The following CACNA2D3 variants were observed in gnomAD, a reference collection of about 807,000 sequenced individuals.
CACNA2D3 encodes the protein voltage-dependent calcium channel subunit alpha-2/delta-3.
CACNA2D3 carries 60 observed loss-of-function variants against 160.6 expected under a neutral mutation model. The ratio of observed to expected loss-of-function variants is 0.37; its 90% CI spans 0.30 to 0.46. CACNA2D3 has a LOEUF of 0.46. CACNA2D3 is among the 20% of genes least tolerant of loss of function. CACNA2D3 has a pLI of 1.00. For synonymous variants in CACNA2D3, 558 were observed against 492.9 expected (o/e 1.13, Z -1.75); for missense variants, 1,205 against 1,365.0 (o/e 0.88, Z 1.85).
chr3:54,331,391 G>C (rs1029605456), intron 3 of CACNA2D3, among the ~76,000 whole-genome samples: 3 of 152,134 alleles, frequency 2.0e-5, no homozygotes, highest in Non-Finnish European at 4.4e-5. Flanking sequence ...TGCAACCCCT[G>C]CATTAGTCAG....
intron 13 of CACNA2D3, among the ~76,000 whole-genome samples, chr3:54,780,929 T>C (rs1220528447): frequency 1.3e-5 from 2 of 152,234 alleles, no homozygotes; most frequent in Non-Finnish European, 2.9e-5. Flanking sequence ...TCAAGAAGTA[T>C]TGATCACTGT....
At chr3:54,637,583 A>G (rs1350030270) in intron 10 of CACNA2D3, 1 of 152,006 alleles carries the variant, frequency 6.6e-6, no homozygotes, top group African/African-American at 2.4e-5. Context: ...AATACTCACA[A>G]CAGTTATGGA....
chr3:54,562,218 C>T (rs551353601), intron 5 of CACNA2D3, among the ~76,000 whole-genome samples: 6 of 152,290 alleles, frequency 3.9e-5, no homozygotes, highest in African/African-American at 1.2e-4. Context: ...TCAAAGGGTA[C>T]AGCAGAAGAC....
chr3:54,191,595 C>G (rs1450587705), intron 2 of CACNA2D3, among the ~76,000 whole-genome samples: 1 of 152,024 alleles, frequency 6.6e-6, no homozygotes, highest in African/African-American at 2.4e-5. Context: ...ATCGGTGATA[C>G]AGTCTCTTCT....
At chr3:54,272,195 G>T (rs1322201929) in intron 2 of CACNA2D3, among the ~76,000 whole-genome samples, 1 of 152,158 alleles carries the variant, frequency 6.6e-6, no homozygotes, top group African/African-American at 2.4e-5. Context: ...CGTGTTAGGT[G>T]GGCATTACCA....
At chr3:54,463,899 G>C (rs2106851747) in intron 4 of CACNA2D3, among the ~76,000 whole-genome samples, 1 of 152,226 alleles carries the variant, frequency 6.6e-6, no homozygotes, top group Non-Finnish European at 1.5e-5. Flanking sequence ...CATCTTTGTG[G>C]TTTTATCTAC....
intron 2 of CACNA2D3, among the ~76,000 whole-genome samples, chr3:54,136,207 T>C (rs1410558379): frequency 6.6e-6 from 1 of 152,250 alleles, no homozygotes; most frequent in Non-Finnish European, 1.5e-5. Flanking sequence ...CAGTGTGTCA[T>C]CAGGGAACAG....
chr3:54,245,348 A>T (rs1234394002), intron 2 of CACNA2D3, among the ~76,000 whole-genome samples: 1 of 151,658 alleles, frequency 6.6e-6, no homozygotes, highest in Non-Finnish European at 1.5e-5. Context: ...ATTGAGAGAG[A>T]GTGCGAGAGA....
At chr3:54,918,713 T>C in intron 27 of CACNA2D3, 1 of 1,614,146 alleles carries the variant, frequency 6.2e-7, no homozygotes, top group Non-Finnish European at 8.5e-7. Context: ...TCCCCCGCGT[T>C]GTGGTTCTCA....
intron 33 of CACNA2D3, 80 bp from the exon 34 acceptor site, chr3:55,009,308 C>T (rs1025240649): frequency 1.6e-6 from 2 of 1,274,660 alleles, no homozygotes; most frequent in African/African-American, 2.9e-5. Flanking sequence ...TAAGCGATGC[C>T]AAAGAATACA....
intron 4 of CACNA2D3, among the ~76,000 whole-genome samples, chr3:54,430,881 T>C (rs1699979967): frequency 6.6e-6 from 1 of 152,128 alleles, no homozygotes; most frequent in Admixed American, 6.5e-5. Flanking sequence ...ATAATTTGAG[T>C]ATAATTTTTG....
chr3:54,775,510 T>C (rs966558836), intron 13 of CACNA2D3, among the ~76,000 whole-genome samples: 4 of 152,162 alleles, frequency 2.6e-5, no homozygotes, highest in African/African-American at 9.7e-5. Flanking sequence ...GGTAGTATTC[T>C]AAGTAATCAG....
intron 4 of CACNA2D3, among the ~76,000 whole-genome samples, chr3:54,441,843 T>G (rs570922977): frequency 2.2e-4 from 34 of 152,328 alleles, no homozygotes; most frequent in African/African-American, 7.5e-4. Flanking sequence ...ACGAATGATA[T>G]ATTTGATTGG....
intron 5 of CACNA2D3, among the ~76,000 whole-genome samples, chr3:54,532,690 C>T (rs1701823659): frequency 6.6e-6 from 1 of 152,130 alleles, no homozygotes; most frequent in African/African-American, 2.4e-5. Flanking sequence ...TTTTCTTTAT[C>T]CAGTCATCCA....
At chr3:54,650,419 T>C (rs1221634015) in intron 11 of CACNA2D3, among the ~76,000 whole-genome samples, 3 of 152,044 alleles carry the variant, frequency 2.0e-5, no homozygotes, top group Admixed American at 2.0e-4. Flanking sequence ...TGGAGTGTAG[T>C]GGTGCATGTT....
At chr3:54,428,619 T>C (rs1243473602) in intron 4 of CACNA2D3, among the ~76,000 whole-genome samples, 1 of 152,182 alleles carries the variant, frequency 6.6e-6, no homozygotes, top group Non-Finnish European at 1.5e-5. Context: ...AATATCTTCT[T>C]TGTGTCCACC....
At chr3:54,442,952 G>T (rs1700167044) in intron 4 of CACNA2D3, among the ~76,000 whole-genome samples, 1 of 152,100 alleles carries the variant, frequency 6.6e-6, no homozygotes. Context: ...CCACCATATA[G>T]TAGCCTCTTG....
Position 55,073,692 on chromosome 3 carries a change from G to A in CACNA2D3, c.3101-85G>A, listed in dbSNP as rs1052237774. 6.2e-6 allele frequency: 8 copies of A among 1,291,742 alleles called. No homozygotes were observed. The Admixed American group carries it at 1.5e-4, about 25-fold the overall frequency. The allele number at this position is 1,291,742 out of a possible 1,614,324, so 80.0% of individuals were successfully genotyped here. The stretch of plus-strand genomic sequence containing the variant: ...ACTGTTGGAGAGAGAGAGTAGTTAA[G>A]AGAGTTGTCATTGCCAAATTTTGAC... On this transcript the variant is annotated intron_variant, in intron 36 of 37. Transcript: ENST00000474759.
intron 2 of CACNA2D3, among the ~76,000 whole-genome samples, chr3:54,214,051 A>G (rs1207907471): frequency 2.0e-5 from 3 of 152,156 alleles, no homozygotes; most frequent in Non-Finnish European, 4.4e-5. Context: ...TTGCTGAGAT[A>G]TCTTAGTTGC....
Sources: gnomAD v4.1 joint callset for allele counts (sites outside exome capture counted in the v4.1 genomes callset) on GRCh38, gnomAD v4.1.1 for gene constraint, MANE v1.5 for transcripts, NCBI Gene and HGNC (gene_info 2026-07-23, HGNC 2026-07-21) for gene names.